THRB: variants seen among roughly 807,000 people sequenced by gnomAD.
THRB encodes the protein thyroid hormone receptor beta.
A neutral mutation model predicts 47.8 loss-of-function variants in THRB; 12 were observed. The observed-to-expected ratio is 0.25, with a 90% confidence interval of 0.16 to 0.41. The LOEUF is 0.41. Ranked by LOEUF, THRB falls within the 10% of genes least tolerant of loss-of-function variation. THRB has a pLI of 1.00. For missense variants in THRB, 348 were observed against 589.2 expected, an observed-to-expected ratio of 0.59 and a Z score of 4.24; for synonymous variants, 218 against 212.2, an observed-to-expected ratio of 1.03 and a Z score of -0.24.
At chr3:24,286,770 A>T (rs1173613634) in intron 3 of THRB, among the ~76,000 whole-genome samples, 1 of 152,166 alleles carries the variant, frequency 6.6e-6, no homozygotes, top group Non-Finnish European at 1.5e-5. Flanking sequence ...CCTTCTATGA[A>T]AACACTATTT....
At chr3:24,353,096 T>C (rs1473449979) in intron 1 of THRB, among the ~76,000 whole-genome samples, 4 of 151,928 alleles carry the variant, frequency 2.6e-5, no homozygotes, top group African/African-American at 9.7e-5. Flanking sequence ...GTGAATCACA[T>C]GCAGAGTAAA....
chr3:24,260,829 T>G (rs923091297), intron 3 of THRB, among the ~76,000 whole-genome samples: 2 of 152,206 alleles, frequency 1.3e-5, no homozygotes, highest in Non-Finnish European at 2.9e-5. Context: ...CTACAATTCT[T>G]AGGACCACAT....
intron 6 of THRB, among the ~76,000 whole-genome samples, chr3:24,151,759 C>T (rs1419165068): frequency 6.6e-6 from 1 of 152,196 alleles, no homozygotes; most frequent in Admixed American, 6.5e-5. Context: ...AGTGAATGGA[C>T]TGATCACTGG....
rs367655627 is a variant in THRB, at chr3:24,212,464, C to A, written c.22+16474G>T. Among the ~76,000 whole-genome samples the A allele has an allele frequency of 1.5e-4, 23 of 150,812 alleles. No individual in the cohort carries two copies. In the East Asian group the frequency reaches 1.6e-3, roughly 10 times the overall value. Reference sequence around the variant, plus strand: ...AGGCATGGTGGCGGGCACCTGTAATCCCAGCTACTCCGGAGGCTGAGGAAA... The same window carrying A: ...AGGCATGGTGGCGGGCACCTGTAATACCAGCTACTCCGGAGGCTGAGGAAA... On this transcript the variant is annotated intron_variant, in intron 4 of 10. Coordinates refer to ENST00000646209, the MANE Select transcript of THRB (RefSeq NM_001354712.2).
intron 5 of THRB, among the ~76,000 whole-genome samples, chr3:24,171,465 A>G (rs1369145922): frequency 6.6e-6 from 1 of 152,164 alleles, no homozygotes; most frequent in Non-Finnish European, 1.5e-5. Context: ...ATCCTAGGAT[A>G]TTACAGCAGG....
chr3:24,247,692 A>G (rs2050240041), intron 3 of THRB, among the ~76,000 whole-genome samples: 1 of 152,182 alleles, frequency 6.6e-6, no homozygotes, highest in Non-Finnish European at 1.5e-5. Flanking sequence ...CAGATGTTAA[A>G]TGTCTAAAGA....
In THRB at chr3:24,388,609, G is replaced by C. The variant is rs548307504; in HGVS notation, c.-260-51238C>G. Among the ~76,000 whole-genome samples, 29 of 152,274 alleles carry C rather than the reference G, an allele frequency of 1.9e-4. No homozygotes were observed. The South Asian group carries it at 2.3e-3, about 12-fold the overall frequency. On this transcript the variant is annotated intron_variant, in intron 1 of 10. Transcript: ENST00000646209. ...CTCTGGCAAGAATGGGCTGGTATTT[G>C]CTCATGGCACTGAACAGCTGTAGTT...
chr3:24,228,425 G>A (rs2047900957), intron 4 of THRB, among the ~76,000 whole-genome samples: 1 of 151,938 alleles, frequency 6.6e-6, no homozygotes, highest in African/African-American at 2.4e-5. Context: ...CACTTTCTGT[G>A]GTCACAAAGT....
intron 1 of THRB, among the ~76,000 whole-genome samples, chr3:24,443,733 C>T (rs891999609): frequency 1.3e-5 from 2 of 152,160 alleles, no homozygotes; most frequent in African/African-American, 4.8e-5. Context: ...AACTATGATA[C>T]TCCATATCAA....
chr3:24,159,438 A>T (rs1440722020), intron 5 of THRB, among the ~76,000 whole-genome samples: 1 of 152,208 alleles, frequency 6.6e-6, no homozygotes, highest in African/African-American at 2.4e-5. Flanking sequence ...AACAATGGAA[A>T]TGAGCTATGA....
At chr3:24,280,123 A>C (rs1171499086) in intron 3 of THRB, among the ~76,000 whole-genome samples, 1 of 152,194 alleles carries the variant, frequency 6.6e-6, no homozygotes, top group Non-Finnish European at 1.5e-5. Context: ...ATGGCCAAAT[A>C]GGAACAGCTC....
chr3:24,139,214 T>G lies in THRB; in HGVS notation c.738+4287A>C, dbSNP rs115306380. Among the ~76,000 whole-genome samples the G allele has an allele frequency of 9.2e-3, 1,401 of 152,318 alleles. 26 individuals carry two copies. The highest frequency in any genetic ancestry group is 0.032 in the African/African-American group (1,346 of 41,562). ...GAAAATTATATGATTTAAATGCTTT[T>G]GGGAGAAGCTTTAAAGAGTGGCTTT... On this transcript the variant is annotated intron_variant, in intron 8 of 10. Coordinates refer to ENST00000646209, the MANE Select transcript of THRB (RefSeq NM_001354712.2).
At chr3:24,258,071 G>A (rs116575421) in intron 3 of THRB, among the ~76,000 whole-genome samples, 577 of 152,294 alleles carry the variant, frequency 3.8e-3, no homozygotes, top group African/African-American at 0.013. Context: ...TTTATTCACC[G>A]CAGGGCTGGA....
chr3:24,417,176 C>T (rs996763038), intron 1 of THRB, among the ~76,000 whole-genome samples: 4 of 151,536 alleles, frequency 2.6e-5, no homozygotes, highest in African/African-American at 9.7e-5. Context: ...TGACTGGATG[C>T]CCCCCTATTA....
chr3:24,234,728 C>A (rs570686765), intron 3 of THRB, among the ~76,000 whole-genome samples: 2 of 152,146 alleles, frequency 1.3e-5, no homozygotes, highest in Non-Finnish European at 2.9e-5. Flanking sequence ...TTAATTACAC[C>A]TGTATGAGGG....
At position 24,299,769 on chromosome 3, in the gene THRB, TTTTATTTATTTATTTATTTA is replaced by T. The variant is rs776166696; in HGVS notation, c.-188-2418_-188-2399del. ...TTGAGGCTTCTGGGGAAGTATGCTT[TTTTATTTATTTATTTATTTA>T]TTTTTTTTTTTTTAGCAAACATACC... On this transcript the variant is annotated intron_variant, in intron 2 of 10. Transcript: ENST00000646209. 7.1e-3 allele frequency among the ~76,000 whole-genome samples: 497 copies of T among 70,226 alleles called. 71 individuals are homozygous for T. The highest frequency in any genetic ancestry group is 9.8e-3 in the Non-Finnish European group (366 of 37,182). The allele number at this position is 70,226 out of a possible 152,430, so 46.1% of individuals were successfully genotyped here.
At chr3:24,137,256 G>C (rs2034799128) in intron 8 of THRB, among the ~76,000 whole-genome samples, 1 of 152,232 alleles carries the variant, frequency 6.6e-6, no homozygotes, top group African/African-American at 2.4e-5. Flanking sequence ...GTGAGTGAAT[G>C]AATGTATACT....
chr3:24,375,134 AAG>A (rs1182261761), intron 1 of THRB, among the ~76,000 whole-genome samples: 1 of 151,744 alleles, frequency 6.6e-6, no homozygotes, highest in East Asian at 1.9e-4. Flanking sequence ...GATTTAAAAA[AAG>A]AGAGAGAGAA....
At chr3:24,453,295 T>C (rs2072848523) in intron 1 of THRB, among the ~76,000 whole-genome samples, 1 of 152,222 alleles carries the variant, frequency 6.6e-6, no homozygotes, top group Non-Finnish European at 1.5e-5. Context: ...CAACTTCACA[T>C]CATGGCTCCT....
Sources: gnomAD v4.1 joint callset for allele counts (sites outside exome capture counted in the v4.1 genomes callset) on GRCh38, gnomAD v4.1.1 for gene constraint, MANE v1.5 for transcripts, NCBI Gene and HGNC (gene_info 2026-07-23, HGNC 2026-07-21) for gene names.